The following HSF2BP variants were observed in gnomAD, a reference collection of about 807,000 sequenced individuals.
HSF2BP encodes heat shock transcription factor 2 binding protein.
Under a neutral mutation model 35.0 loss-of-function variants are expected in HSF2BP, and 35 were observed. The ratio of observed to expected loss-of-function variants is 1.00; its 90% CI spans 0.76 to 1.32. The LOEUF is 1.32. Ranked by LOEUF, HSF2BP falls within the 40% of genes most tolerant of loss-of-function variation. The probability of loss-of-function intolerance (pLI) is 0.00; values close to 1 mark genes in which losing one functional copy is unlikely to be tolerated. For synonymous variants in HSF2BP, 114 were observed against 117.4 expected, an observed-to-expected ratio of 0.97 and a Z score of 0.18; for missense variants, 326 against 321.7, an observed-to-expected ratio of 1.01 and a Z score of -0.10.
At chr21:43,607,344 T>TA (rs2082147906) in intron 7 of HSF2BP, among the ~76,000 whole-genome samples, 1 of 150,302 alleles carries the variant, frequency 6.7e-6, no homozygotes, top group Non-Finnish European at 1.5e-5. Flanking sequence ...CAATCCTATT[T>TA]ACAACAGCCA....
chr21:43,582,191 G>C (rs1267949204), intron 8 of HSF2BP, among the ~76,000 whole-genome samples: 1 of 140,916 alleles, frequency 7.1e-6, no homozygotes, highest in African/African-American at 2.7e-5. Context: ...CCTGCTGTGG[G>C]AGATGAGGGC....
At chr21:43,621,625 T>C (rs914658248) in intron 6 of HSF2BP, among the ~76,000 whole-genome samples, 8 of 151,564 alleles carry the variant, frequency 5.3e-5, no homozygotes, top group Non-Finnish European at 1.0e-4. Flanking sequence ...TATAAGAATA[T>C]CGTATCCAGC....
chr21:43,659,431 G>A lies in HSF2BP; in HGVS notation c.-270C>T. ...TTTTGGCAACCGAAAGGCAGCGCCGGCGCCACGTGCACACGGGCTGGGCCG... is the reference window on the plus strand; with the variant it reads ...TTTTGGCAACCGAAAGGCAGCGCCGACGCCACGTGCACACGGGCTGGGCCG... On this transcript the variant is annotated 5_prime_UTR_variant, in exon 1 of 9. Coordinates refer to ENST00000291560, the MANE Select transcript of HSF2BP (RefSeq NM_007031.2). The surrounding 1 kb of genome is among the most constrained non-coding windows in gnomAD (Gnocchi z 4.2). 1 of 250,524 alleles carries A rather than the reference G, an allele frequency of 4.0e-6. No homozygotes were observed. The highest frequency in any genetic ancestry group is 7.2e-6 in the Non-Finnish European group (1 of 138,270). 15.5% of individuals were successfully genotyped at this position (250,524 alleles called of 1,614,324 possible). A position where few individuals can be genotyped will look rare whatever the true frequency, so the allele number is the denominator to read the frequency against.
chr21:43,467,760 A>ACAG, the HSF2BP span, among the ~76,000 whole-genome samples: 2 of 6,204 alleles, frequency 3.2e-4, no homozygotes, highest in African/African-American at 1.0e-3. Context: ...CCACACACCC[A>ACAG]CACACCACAC....
intron 6 of HSF2BP, among the ~76,000 whole-genome samples, chr21:43,614,527 A>T (rs145808914): frequency 3.9e-4 from 60 of 152,344 alleles, no homozygotes; most frequent in Middle Eastern, 3.4e-3. Flanking sequence ...ACTATGCTCC[A>T]GAGTGCTGCA....
At chr21:43,656,063 A>G (rs2082863619) in intron 3 of HSF2BP, among the ~76,000 whole-genome samples, 1 of 152,218 alleles carries the variant, frequency 6.6e-6, no homozygotes, top group African/African-American at 2.4e-5. Flanking sequence ...GAGTATGTCC[A>G]GGAACTTCAA....
Position 43,659,076 on chromosome 21 carries a change from T to C in HSF2BP, c.-225+310A>G, listed in dbSNP as rs547449224. 8.5e-5 allele frequency among the ~76,000 whole-genome samples: 13 copies of C among 152,140 alleles called. No individual in the cohort carries two copies. The East Asian group carries it at 1.9e-3, about 23-fold the overall frequency. On this transcript the variant is annotated intron_variant, in intron 1 of 8. Coordinates refer to ENST00000291560, the MANE Select transcript of HSF2BP (RefSeq NM_007031.2). The surrounding 1 kb of genome is among the most constrained non-coding windows in gnomAD (Gnocchi z 4.2). ...GATCAGGGAGGCCGCCGCGGGAGGA[T>C]TGCTTGAGCCCAGGAGTTTGAGACC...
At chr21:43,587,109 T>G (rs1304043769) in intron 8 of HSF2BP, among the ~76,000 whole-genome samples, 1 of 152,192 alleles carries the variant, frequency 6.6e-6, no homozygotes, top group Admixed American at 6.5e-5. Flanking sequence ...CCACGAACTA[T>G]TTTTGTTCCT....
At chr21:43,652,209 C>T (rs1323890045) in intron 3 of HSF2BP, among the ~76,000 whole-genome samples, 1 of 151,898 alleles carries the variant, frequency 6.6e-6, no homozygotes, top group Admixed American at 6.6e-5. Flanking sequence ...TCGAGACCAG[C>T]GTGGCCAATA....
At chr21:43,595,434 G>A (rs996420671) in intron 7 of HSF2BP, among the ~76,000 whole-genome samples, 2 of 151,802 alleles carry the variant, frequency 1.3e-5, no homozygotes, top group African/African-American at 4.8e-5. Context: ...TGAGGTGGGC[G>A]GGCAGCTTGA....
intron 7 of HSF2BP, among the ~76,000 whole-genome samples, chr21:43,610,610 C>G (rs562205665): frequency 1.1e-4 from 17 of 151,822 alleles, no homozygotes; most frequent in African/African-American, 3.9e-4. Context: ...TGTCTCTCCC[C>G]CTCTTCCCCC....
chr21:43,632,891 GTA>G (rs2082500674), intron 5 of HSF2BP, among the ~76,000 whole-genome samples: 1 of 149,820 alleles, frequency 6.7e-6, no homozygotes, highest in Non-Finnish European at 1.5e-5. Flanking sequence ...GTGTGTGTGT[GTA>G]TGTATAAACA....
At chr21:43,577,118 C>T (rs890893120) in intron 8 of HSF2BP, among the ~76,000 whole-genome samples, 1 of 152,160 alleles carries the variant, frequency 6.6e-6, no homozygotes, top group Non-Finnish European at 1.5e-5. Flanking sequence ...CCCCATCCCT[C>T]GACCTCCACT....
intron 7 of HSF2BP, among the ~76,000 whole-genome samples, chr21:43,607,834 T>C (rs2082153348): frequency 1.3e-5 from 2 of 152,140 alleles, no homozygotes; most frequent in Admixed American, 1.3e-4. Context: ...TTGACAAAAA[T>C]AAGCAATGAG....
intron 7 of HSF2BP, among the ~76,000 whole-genome samples, chr21:43,607,523 A>C (rs1051751916): frequency 6.6e-6 from 1 of 152,204 alleles, no homozygotes; most frequent in Non-Finnish European, 1.5e-5. Flanking sequence ...AAACTGCCCA[A>C]AGCAATCTAC....
At chr21:43,573,312 C>A (rs1012981162) in intron 8 of HSF2BP, among the ~76,000 whole-genome samples, 1 of 152,178 alleles carries the variant, frequency 6.6e-6, no homozygotes, top group Non-Finnish European at 1.5e-5. Flanking sequence ...GGGCCCATGG[C>A]GGGGTGTTCC....
chr21:43,467,756 A>AT, the HSF2BP span, among the ~76,000 whole-genome samples: 2 of 71,360 alleles, frequency 2.8e-5, no homozygotes, highest in African/African-American at 6.5e-5. Flanking sequence ...CACACCACAC[A>AT]CCCACACACC....
chr21:43,612,550 C>T (rs2082220183), intron 7 of HSF2BP, among the ~76,000 whole-genome samples: 1 of 149,866 alleles, frequency 6.7e-6, no homozygotes, highest in Non-Finnish European at 1.5e-5. Flanking sequence ...ACTTGGAAGG[C>T]TGAGGCAGGA....
chr21:43,572,408 C>T (rs992114743), intron 8 of HSF2BP, among the ~76,000 whole-genome samples: 1 of 152,186 alleles, frequency 6.6e-6, no homozygotes, highest in African/African-American at 2.4e-5. Flanking sequence ...GAGAAGTGGC[C>T]TGCTGTGGAC....
Sources: allele counts gnomAD v4.1 joint callset (sites outside exome capture counted in the v4.1 genomes callset), GRCh38; gene constraint gnomAD v4.1.1; non-coding constraint Gnocchi (gnomAD v3.1); transcripts MANE v1.5; gene names NCBI Gene and HGNC (gene_info 2026-07-23, HGNC 2026-07-21).